Variants in KCNH7 observed in about 807,000 individuals in gnomAD.
The protein encoded by KCNH7 is voltage-gated inwardly rectifying potassium channel KCNH7.
KCNH7 carries 49 observed loss-of-function variants against 120.8 expected under a neutral mutation model. The ratio of observed to expected loss-of-function variants is 0.41; its 90% CI spans 0.32 to 0.51. The LOEUF is 0.51. KCNH7 is among the 20% of genes least tolerant of loss of function. The pLI, the probability that KCNH7 is intolerant of heterozygous loss-of-function variation, is 0.38. For synonymous variants in KCNH7, 547 were observed against 516.1 expected, an observed-to-expected ratio of 1.06 and a Z score of -0.81; for missense variants, 1,097 against 1,446.6, an observed-to-expected ratio of 0.76 and a Z score of 3.92.
At chr2:162,452,895 C>T (rs759610319) in intron 6 of KCNH7, among the ~76,000 whole-genome samples, 12 of 151,842 alleles carry the variant, frequency 7.9e-5, no homozygotes, top group Admixed American at 1.3e-4. Context: ...TTCTAGGAAA[C>T]GGTTGGTCTC....
chr2:162,688,393 T>C (rs1685973483), intron 2 of KCNH7, among the ~76,000 whole-genome samples: 1 of 152,154 alleles, frequency 6.6e-6, no homozygotes, highest in Non-Finnish European at 1.5e-5. Context: ...TTGTACACTA[T>C]GCCTAGAATT....
intron 2 of KCNH7, among the ~76,000 whole-genome samples, chr2:162,804,847 A>G (rs959260416): frequency 6.6e-6 from 1 of 152,056 alleles, no homozygotes; most frequent in East Asian, 1.9e-4. Context: ...CTGGACTTCA[A>G]GTTATACTAC....
At chr2:162,536,304 T>C (rs574700358) in intron 3 of KCNH7, among the ~76,000 whole-genome samples, 34 of 152,066 alleles carry the variant, frequency 2.2e-4, no homozygotes, top group African/African-American at 6.7e-4. Flanking sequence ...AAATGGATAG[T>C]TGATAAAGAA....
chr2:162,831,773 C>T (rs1322194408), intron 2 of KCNH7, among the ~76,000 whole-genome samples: 1 of 152,198 alleles, frequency 6.6e-6, no homozygotes, highest in African/African-American at 2.4e-5. Context: ...CTGACCTGTT[C>T]TCAAGCACCT....
intron 2 of KCNH7, among the ~76,000 whole-genome samples, chr2:162,698,572 G>C (rs548796329): frequency 6.6e-5 from 10 of 151,888 alleles, no homozygotes; most frequent in African/African-American, 2.4e-4. Context: ...AGAATCAACT[G>C]TGTTTGAGCA....
At chr2:162,440,909 A>G (rs150798470) in intron 7 of KCNH7, among the ~76,000 whole-genome samples, 202 of 152,224 alleles carry the variant, frequency 1.3e-3, no homozygotes, top group African/African-American at 4.4e-3. Context: ...GGGATGTCAT[A>G]TTTTTTAAAT....
At chr2:162,504,785 C>A in intron 5 of KCNH7, 128 bp from the exon 6 acceptor site, 1 of 644,256 alleles carries the variant, frequency 1.6e-6, no homozygotes, top group South Asian at 1.9e-5. Context: ...ATGCAGCCAG[C>A]TTATACCTGG....
chr2:162,392,141 T>C (rs1686762956), intron 12 of KCNH7, among the ~76,000 whole-genome samples: 1 of 152,042 alleles, frequency 6.6e-6, no homozygotes, highest in Non-Finnish European at 1.5e-5. Context: ...GTAAGTGCTT[T>C]GAGAATTCAT....
At chr2:162,385,720 A>G (rs1249309758) in intron 12 of KCNH7, among the ~76,000 whole-genome samples, 1 of 151,870 alleles carries the variant, frequency 6.6e-6, no homozygotes. Flanking sequence ...TTCTGCTAAT[A>G]ACTAACCAAC....
intron 9 of KCNH7, among the ~76,000 whole-genome samples, chr2:162,421,057 T>C (rs1455801693): frequency 2.6e-5 from 4 of 152,094 alleles, no homozygotes; most frequent in Non-Finnish European, 5.9e-5. Context: ...GTGTTCAGAG[T>C]TATCTTGCAG....
intron 9 of KCNH7, among the ~76,000 whole-genome samples, chr2:162,401,388 T>A (rs923672157): frequency 6.6e-6 from 1 of 151,798 alleles, no homozygotes; most frequent in Non-Finnish European, 1.5e-5. Flanking sequence ...TAAATACACT[T>A]TGAGGTGGAG....
intron 12 of KCNH7, among the ~76,000 whole-genome samples, chr2:162,387,804 C>G (rs573773241): frequency 1.3e-5 from 2 of 151,806 alleles, no homozygotes; most frequent in South Asian, 4.1e-4. Context: ...ACGACTGACC[C>G]ATTTATCTTA....
intron 2 of KCNH7, among the ~76,000 whole-genome samples, chr2:162,713,137 T>C (rs1686986504): frequency 6.6e-6 from 1 of 152,152 alleles, no homozygotes; most frequent in Non-Finnish European, 1.5e-5. Flanking sequence ...GCTGGTCTGT[T>C]GGCCAGGCTG....
At position 162,423,354 on chromosome 2, in the gene KCNH7, A is replaced by G; in HGVS notation, c.2136T>C (p.Asn712=). The G allele has an allele frequency of 3.1e-6, 5 of 1,614,056 alleles. No individual in the cohort carries two copies. The highest frequency in any genetic ancestry group is 1.1e-5 in the South Asian group (1 of 91,082). Residue 712 remains asparagine, a synonymous_variant, in exon 9 of 16, where the codon AAT becomes AAC. Coordinates refer to ENST00000332142, the MANE Select transcript of KCNH7 (RefSeq NM_033272.4). Reference sequence around the variant, plus strand: ...TACATACCATGTTCATGTCAATGCCATTGGTGTAAGTCCATGCGTGCTGGA... The same window carrying G: ...TACATACCATGTTCATGTCAATGCCGTTGGTGTAAGTCCATGCGTGCTGGA... The part of the protein sequence containing the change: ...EYFQHAWTYT[N]GIDMNMVLKG...
At chr2:162,580,194 G>T (rs1282152533) in intron 2 of KCNH7, among the ~76,000 whole-genome samples, 1 of 151,966 alleles carries the variant, frequency 6.6e-6, no homozygotes, top group Non-Finnish European at 1.5e-5. Context: ...GTGCTAACTT[G>T]TTTACATTAT....
chr2:162,432,607 A>C (rs1391375758), intron 8 of KCNH7, among the ~76,000 whole-genome samples: 2 of 152,024 alleles, frequency 1.3e-5, no homozygotes, highest in Non-Finnish European at 1.5e-5. Context: ...CATGCTTAAA[A>C]TCCAAAATTT....
intron 6 of KCNH7, among the ~76,000 whole-genome samples, chr2:162,487,883 G>C (rs946585123): frequency 1.3e-5 from 2 of 152,174 alleles, no homozygotes; most frequent in African/African-American, 4.8e-5. Context: ...AGGCTGCTTG[G>C]ATGTGTGAAA....
chr2:162,778,459 G>C (rs566612551), intron 2 of KCNH7, among the ~76,000 whole-genome samples: 1 of 152,174 alleles, frequency 6.6e-6, no homozygotes, highest in South Asian at 2.1e-4. Context: ...AGCGTCTTGG[G>C]TTACCAGACA....
At chr2:162,662,356 T>G (rs770533027) in intron 2 of KCNH7, among the ~76,000 whole-genome samples, 1 of 152,208 alleles carries the variant, frequency 6.6e-6, no homozygotes, top group African/African-American at 2.4e-5. Context: ...ATGCATTCAT[T>G]TAACACACTA....
Sources: gnomAD v4.1 joint callset for allele counts (sites outside exome capture counted in the v4.1 genomes callset) on GRCh38, gnomAD v4.1.1 for gene constraint, MANE v1.5 for transcripts, NCBI Gene and HGNC (gene_info 2026-07-23, HGNC 2026-07-21) for gene names.